CHD1L: variants seen among roughly 807,000 people sequenced by gnomAD.
CHD1L encodes chromodomain helicase DNA binding protein 1 like, also known as ATP-dependent chromatin remodeler CHD1L.
Under a neutral mutation model 115.9 loss-of-function variants are expected in CHD1L, and 118 were observed. That is an observed-to-expected ratio of 1.02 (90% CI 0.88 to 1.19). The LOEUF (loss-of-function observed/expected upper bound fraction) is 1.19. Ranked by LOEUF, CHD1L falls within the 50% of genes most tolerant of loss-of-function variation. CHD1L has a pLI of 0.00. For synonymous variants in CHD1L, 411 were observed against 387.1 expected (o/e 1.06, Z -0.72); for missense variants, 1,179 against 1,065.3 (o/e 1.11, Z -1.49).
chr1:147,195,092 C>A, the CHD1L span, among the ~76,000 whole-genome samples: 1 of 152,056 alleles, frequency 6.6e-6, no homozygotes, highest in African/African-American at 2.4e-5. Flanking sequence ...GGATAATATC[C>A]TGCAGAGTGT....
the CHD1L span, among the ~76,000 whole-genome samples, chr1:147,234,230 G>A: frequency 2.6e-5 from 4 of 152,234 alleles, no homozygotes; most frequent in Non-Finnish European, 4.4e-5. Flanking sequence ...CGGAGCCTTC[G>A]CAGCCTCCAC....
chr1:147,284,549 A>G (rs1237063713), intron 16 of CHD1L, 50 bp downstream of exon 16: 7 of 1,346,626 alleles, frequency 5.2e-6, no homozygotes, highest in South Asian at 1.7e-5. Context: ...CTCTCATTCT[A>G]AAACAAACAA....
At chr1:147,294,664 C>CT in intron 22 of CHD1L, 147 bp downstream of exon 22, 1 of 546,810 alleles carries the variant, frequency 1.8e-6, no homozygotes, top group Non-Finnish European at 3.2e-6. Flanking sequence ...AAGAAAGAAG[C>CT]ACTTTCTAAC....
chr1:147,294,958 A>G (rs1687000501), intron 22 of CHD1L, among the ~76,000 whole-genome samples: 1 of 152,212 alleles, frequency 6.6e-6, no homozygotes, highest in Non-Finnish European at 1.5e-5. Context: ...AAAAAGCAGT[A>G]TGAAATTTAT....
At chr1:147,221,276 G>A in the CHD1L span, among the ~76,000 whole-genome samples, 2 of 151,998 alleles carry the variant, frequency 1.3e-5, no homozygotes, top group African/African-American at 4.8e-5. Flanking sequence ...AATAAAGTAT[G>A]GACTTCAGTT....
chr1:147,233,523 C>T, the CHD1L span, among the ~76,000 whole-genome samples: 12 of 150,350 alleles, frequency 8.0e-5, no homozygotes, highest in Admixed American at 5.3e-4. Flanking sequence ...AGGTGAGGGG[C>T]GCCTCTGCCC....
At chr1:147,224,817 C>T in the CHD1L span, 1 of 1,448,208 alleles carries the variant, frequency 6.9e-7, no homozygotes, top group Non-Finnish European at 9.7e-7. Context: ...GGCCACCTGA[C>T]ACTGTTAAGA....
intron 19 of CHD1L, among the ~76,000 whole-genome samples, chr1:147,290,265 G>C (rs1184056167): frequency 6.6e-6 from 1 of 151,816 alleles, no homozygotes; most frequent in Non-Finnish European, 1.5e-5. Context: ...TTGAATTTTT[G>C]GTAGAGACAG....
intron 1 of CHD1L, among the ~76,000 whole-genome samples, chr1:147,245,736 G>C (rs587753774): frequency 5.4e-5 from 8 of 148,774 alleles, no homozygotes; most frequent in African/African-American, 1.7e-4. Flanking sequence ...CTGTTGCCCA[G>C]GCTGGAGTGC....
At chr1:147,242,346 C>A (rs587706182), upstream of CHD1L, among the ~76,000 whole-genome samples, 1 of 152,280 alleles carries the variant, frequency 6.6e-6, no homozygotes, top group South Asian at 2.1e-4. Flanking sequence ...CAGGGCCCAG[C>A]GGAGTGTCTG....
At chr1:147,249,351 A>G (rs1265226513) in intron 1 of CHD1L, among the ~76,000 whole-genome samples, 1 of 98,812 alleles carries the variant, frequency 1.0e-5, no homozygotes, top group East Asian at 3.2e-4. Context: ...CATTTAAGAT[A>G]TTTTCTTTGT....
At position 147,246,767 on chromosome 1, in the gene CHD1L, C is replaced by G. The variant is rs768652505; in HGVS notation, c.127+3937C>G. Among the ~76,000 whole-genome samples, 3 of 151,996 alleles carry G rather than the reference C, an allele frequency of 2.0e-5. No homozygotes were observed. In the East Asian group the frequency reaches 5.8e-4, roughly 29 times the overall value. On this transcript the variant is annotated intron_variant, in intron 1 of 22. Coordinates refer to ENST00000369258, the MANE Select transcript of CHD1L (RefSeq NM_004284.6). Reference sequence around the variant, plus strand: ...CTGTTGAGTTTTGACATACTCTAGTCTTTATATAATCTAGATACTAATATT... The same window carrying G: ...CTGTTGAGTTTTGACATACTCTAGTGTTTATATAATCTAGATACTAATATT...
chr1:147,184,609 TG>T, the CHD1L span: 1 of 1,547,430 alleles, frequency 6.5e-7, no homozygotes, highest in South Asian at 1.2e-5. This position sits in a 1 kb window ranked among gnomAD's most constrained non-coding sequence, Gnocchi z 4.4. Context: ...TGGGTTTGTC[TG>T]ATGTTTTTCT....
rs74835764 is a variant in CHD1L at position 147,258,693 on chromosome 1, C to G, written c.495-1144C>G. Among the ~76,000 whole-genome samples the G allele has an allele frequency of 3.4e-3, 514 of 152,296 alleles. 1 individual carries two copies. Among genetic ancestry groups the G allele is most frequent in the South Asian group, 7.9e-3 (38 of 4,824 alleles). On this transcript the variant is annotated intron_variant, in intron 5 of 22. Transcript: ENST00000369258. Reference sequence around the variant, plus strand: ...GTCCTCTGGAGTTTCTCTGTAGCCTCAGGAAGAGGGCCTCCTCCTTGTAAG... The same window carrying G: ...GTCCTCTGGAGTTTCTCTGTAGCCTGAGGAAGAGGGCCTCCTCCTTGTAAG...
chr1:147,257,410 C>T (rs1397590433), intron 5 of CHD1L, among the ~76,000 whole-genome samples: 1 of 151,976 alleles, frequency 6.6e-6, no homozygotes, highest in Non-Finnish European at 1.5e-5. Flanking sequence ...TTTAAGTGAG[C>T]ATATTATCTT....
intron 19 of CHD1L, among the ~76,000 whole-genome samples, chr1:147,288,004 A>G (rs1683932557): frequency 6.6e-6 from 1 of 152,220 alleles, no homozygotes; most frequent in South Asian, 2.1e-4. Context: ...TGTATTCTGA[A>G]AAATGTTGAT....
chr1:147,210,155 A>C, the CHD1L span: 1 of 152,218 alleles, frequency 6.6e-6, no homozygotes, highest in Non-Finnish European at 1.5e-5. Flanking sequence ...GCCTGAGATC[A>C]CAGAGCTAGT....
At chr1:147,294,316 G>GA in intron 21 of CHD1L, 93 bp from the exon 22 acceptor site, 1 of 747,048 alleles carries the variant, frequency 1.3e-6, no homozygotes, top group Admixed American at 2.6e-5. Flanking sequence ...GGCTTTGAGG[G>GA]AGATAGTCAA....
intron 14 of CHD1L, among the ~76,000 whole-genome samples, chr1:147,277,647 G>A (rs2102774602): frequency 6.6e-6 from 1 of 152,230 alleles, no homozygotes; most frequent in South Asian, 2.1e-4. Context: ...AACCATAATG[G>A]TGCTAGGGCA....
Sources: gnomAD v4.1 joint callset for allele counts (sites outside exome capture counted in the v4.1 genomes callset) on GRCh38, gnomAD v4.1.1 for gene constraint, Gnocchi (gnomAD v3.1) non-coding constraint, MANE v1.5 for transcripts, NCBI Gene and HGNC (gene_info 2026-07-23, HGNC 2026-07-21) for gene names.